LEMD3: variants seen among roughly 807,000 people sequenced by gnomAD.
LEMD3 encodes inner nuclear membrane protein Man1.
Under a neutral mutation model 95.2 loss-of-function variants are expected in LEMD3, and 33 were observed. The ratio of observed to expected loss-of-function variants is 0.35; its 90% CI spans 0.26 to 0.46. The LOEUF (loss-of-function observed/expected upper bound fraction) is 0.46. LEMD3 is among the 20% of genes least tolerant of loss of function. LEMD3 has a pLI of 1.00. For missense variants in LEMD3, 1,210 were observed against 1,192.8 expected (o/e 1.01, Z -0.21); for synonymous variants, 525 against 474.6 (o/e 1.11, Z -1.38).
At chr12:65,214,871 T>A (rs933307352) in intron 2 of LEMD3, among the ~76,000 whole-genome samples, 1 of 152,070 alleles carries the variant, frequency 6.6e-6, no homozygotes, top group Non-Finnish European at 1.5e-5. Flanking sequence ...TCGTAATTGC[T>A]CTTAAATTGG....
intron 2 of LEMD3, among the ~76,000 whole-genome samples, chr12:65,212,413 T>A (rs967476867): frequency 3.3e-5 from 5 of 151,964 alleles, no homozygotes; most frequent in African/African-American, 1.2e-4. Flanking sequence ...GGCAGGCGCC[T>A]GTAGTCCCAG....
At position 65,170,479 on chromosome 12, in the gene LEMD3, C is replaced by G; in HGVS notation, c.883C>G (p.Pro295Ala). 1 of 1,613,618 alleles carries G rather than the reference C, an allele frequency of 6.2e-7. No individual in the cohort carries two copies. The highest frequency in any genetic ancestry group is 1.1e-5 in the South Asian group (1 of 91,036). The change falls in exon 1 of 13, where the codon CCC (proline) becomes GCC (alanine). Residue 295 changes from proline (P) to alanine (A), a missense_variant. Pro to Ala is a conservative substitution (Grantham distance 27). Transcript: ENST00000308330. ...CAGACGAACCCATAGTAAGCCTCTC[C>G]CCCCGCTGACTGCTAAATCGGCCGG... Reference protein sequence around the residue: ...RPRRTHSKPLPPLTAKSAGGR... With the variant: ...RPRRTHSKPLAPLTAKSAGGR...
intron 4 of LEMD3, 31 bp downstream of exon 4, chr12:65,218,650 A>G (rs775180083): frequency 5.4e-6 from 7 of 1,290,126 alleles, no homozygotes; most frequent in Non-Finnish European, 6.6e-6. Context: ...TTTAATAGCT[A>G]TATTTTAAAA....
chr12:65,170,949 G>C lies in LEMD3; in HGVS notation c.1353G>C (p.Glu451Asp), dbSNP rs1351971292. 6.2e-7 allele frequency: 1 copy of C among 1,614,074 alleles called. No homozygotes were observed. Among genetic ancestry groups the C allele is most frequent in the Non-Finnish European group, 8.5e-7 (1 of 1,180,050 alleles). The change falls in exon 1 of 13, where the codon GAG becomes GAC. Residue 451 changes from glutamate (E) to aspartate (D), a missense_variant. Around this residue, in one of 2 missense-constraint regions of LEMD3, gnomAD observed 461 missense variants for 569.8 expected, o/e 0.81. Coordinates refer to ENST00000308330, the MANE Select transcript of LEMD3 (RefSeq NM_014319.5). ...AACCGAAGCTTTCCGAACCCGAAGAGGAACTTCTCCAGCAATTTAAACGGG... is the reference window on the plus strand; with the variant it reads ...AACCGAAGCTTTCCGAACCCGAAGACGAACTTCTCCAGCAATTTAAACGGG... The part of the protein sequence containing the change: ...YNKPKLSEPE[E>D]ELLQQFKREE...
intron 2 of LEMD3, among the ~76,000 whole-genome samples, chr12:65,212,205 GA>G (rs1055952195): frequency 5.3e-5 from 8 of 151,986 alleles, no homozygotes; most frequent in African/African-American, 1.9e-4. Flanking sequence ...ATAGCATGGG[GA>G]AAAAAACCCA....
intron 4 of LEMD3, among the ~76,000 whole-genome samples, chr12:65,228,187 G>A (rs915859750): frequency 1.3e-5 from 2 of 152,176 alleles, no homozygotes; most frequent in Admixed American, 1.3e-4. Context: ...AAAAAGAAGG[G>A]ACACAGATGC....
At chr12:65,225,266 G>A (rs895078936) in intron 4 of LEMD3, among the ~76,000 whole-genome samples, 1 of 152,008 alleles carries the variant, frequency 6.6e-6, no homozygotes, top group Non-Finnish European at 1.5e-5. Flanking sequence ...ATGTTTTCAT[G>A]GTTCTTCATG....
chr12:65,193,850 C>T (rs1019446800), intron 1 of LEMD3, among the ~76,000 whole-genome samples: 1 of 151,436 alleles, frequency 6.6e-6, no homozygotes, highest in Non-Finnish European at 1.5e-5. Flanking sequence ...GGAAACTGGA[C>T]GTTGCACTTT....
At chr12:65,183,100 TA>T (rs1485181689) in intron 1 of LEMD3, among the ~76,000 whole-genome samples, 2 of 152,186 alleles carry the variant, frequency 1.3e-5, no homozygotes, top group African/African-American at 4.8e-5. Context: ...AGTGATGGTT[TA>T]GACCAGAACC....
chr12:65,196,962 A>G (rs914873396), intron 1 of LEMD3, among the ~76,000 whole-genome samples: 1 of 152,190 alleles, frequency 6.6e-6, no homozygotes, highest in African/African-American at 2.4e-5. Flanking sequence ...CAGCACTCAG[A>G]ACCAGAAGAG....
rs560658819 is a variant in LEMD3 at position 65,177,353 on chromosome 12, A to G, written c.1522+6235A>G. Among the ~76,000 whole-genome samples, 14 of 152,292 alleles carry G rather than the reference A, an allele frequency of 9.2e-5. No homozygotes were observed. The East Asian group carries it at 2.3e-3, about 25-fold the overall frequency. ...GAATGAAATTCATTTGAAGAAAGAC[A>G]TATGGTTTTGAGTATAGAGAATAAG... On this transcript the variant is annotated intron_variant, in intron 1 of 12. Transcript: ENST00000308330.
intron 12 of LEMD3, 108 bp from the exon 13 acceptor site, chr12:65,246,054 A>T: frequency 8.0e-7 from 1 of 1,247,438 alleles, no homozygotes; most frequent in African/African-American, 1.5e-5. Context: ...TAATAATTTT[A>T]GATGACTTTA....
intron 1 of LEMD3, among the ~76,000 whole-genome samples, chr12:65,202,539 G>T (rs543918715): frequency 6.6e-6 from 1 of 152,160 alleles, no homozygotes; most frequent in East Asian, 1.9e-4. Flanking sequence ...GAGAGATATT[G>T]GTCTGAAGTT....
chr12:65,176,319 T>C (rs190143773), intron 1 of LEMD3, among the ~76,000 whole-genome samples: 12 of 152,358 alleles, frequency 7.9e-5, no homozygotes, highest in Admixed American at 3.3e-4. Context: ...TCTAGAAAAC[T>C]GAACTGTTTG....
In LEMD3 at chr12:65,171,154, G is replaced by C. The variant is rs750238555; in HGVS notation, c.1522+36G>C. 1.1e-5 allele frequency: 17 copies of C among 1,603,252 alleles called. No individual in the cohort carries two copies. The African/African-American group carries it at 1.9e-4, about 18-fold the overall frequency. ...AATCCTGTGGGTAAGGTAACAAAGA[G>C]AATGTTGTTAGTGGTCCGCTTTAGC... On this transcript the variant is annotated intron_variant, in intron 1 of 12. Coordinates refer to ENST00000308330, the MANE Select transcript of LEMD3 (RefSeq NM_014319.5).
At chr12:65,227,496 T>G (rs1870485952) in intron 4 of LEMD3, among the ~76,000 whole-genome samples, 1 of 152,162 alleles carries the variant, frequency 6.6e-6, no homozygotes, top group African/African-American at 2.4e-5. Flanking sequence ...ACACAAAAAT[T>G]TGTAGATGCT....
chr12:65,178,243 A>G (rs1039583413), intron 1 of LEMD3, among the ~76,000 whole-genome samples: 2 of 152,072 alleles, frequency 1.3e-5, no homozygotes, highest in Admixed American at 1.3e-4. Context: ...TAGATCTATG[A>G]GAATATTCCC....
intron 1 of LEMD3, among the ~76,000 whole-genome samples, chr12:65,210,439 T>C (rs1034900371): frequency 6.6e-5 from 10 of 152,172 alleles, no homozygotes; most frequent in African/African-American, 1.2e-4. Flanking sequence ...ACAAATGATA[T>C]AGTCATTAGC....
chr12:65,194,672 C>T (rs1869353371), intron 1 of LEMD3, among the ~76,000 whole-genome samples: 1 of 151,842 alleles, frequency 6.6e-6, no homozygotes, highest in African/African-American at 2.4e-5. Flanking sequence ...TTGTGATCGC[C>T]AGGATAATGT....
Sources: gnomAD v4.1 joint callset for allele counts (sites outside exome capture counted in the v4.1 genomes callset) on GRCh38, gnomAD v4.1.1 for gene constraint, gnomAD v4.1.1 regional missense constraint, MANE v1.5 for transcripts, NCBI Gene and HGNC (gene_info 2026-07-23, HGNC 2026-07-21) for gene names.